Variants in STK11 observed in about 807,000 individuals in gnomAD.
STK11 encodes the protein serine/threonine kinase 11.
A neutral mutation model predicts 47.3 loss-of-function variants in STK11; 8 were observed. The observed-to-expected ratio is 0.17, with a 90% CI of 0.10 to 0.31. The LOEUF (loss-of-function observed/expected upper bound fraction) is 0.31, where lower values mean the gene tolerates loss of function less well. STK11 is among the 10% of genes least tolerant of loss of function. STK11 has a pLI of 1.00. For missense variants in STK11, 475 were observed against 605.0 expected (o/e 0.79, Z 2.25); for synonymous variants, 330 against 255.8 (o/e 1.29, Z -2.77).
intron 8 of STK11, chr19:1,226,223 T>C: frequency 4.4e-6 from 6 of 1,379,226 alleles, no homozygotes; most frequent in Non-Finnish European, 5.6e-6. Flanking sequence ...ACAGACGTGG[T>C]GGAGGGGACA....
rs587781619 is a variant in STK11 at position 1,220,370 on chromosome 19, C to T, written c.465-3C>T. 1.3e-6 allele frequency: 2 copies of T among 1,599,262 alleles called. No homozygotes were observed. The highest frequency in any genetic ancestry group is 1.7e-6 in the Non-Finnish European group (2 of 1,173,564). ...CCCCAGGACGGGTGTGTGCTGCCCG[C>T]AGGTACTTCTGTCAGCTGATTGACG... On this transcript the variant is annotated splice_polypyrimidine_tract_variant and splice_region_variant and intron_variant, in intron 3 of 9. Transcript: ENST00000326873.
chr19:1,217,598 A>G (rs553710163), intron 1 of STK11, among the ~76,000 whole-genome samples: 1 of 152,300 alleles, frequency 6.6e-6, no homozygotes, highest in South Asian at 2.1e-4. Flanking sequence ...GGGGGCAGTG[A>G]CAGGCGGGTG....
chr19:1,228,152 G>C lies in STK11; in HGVS notation c.*576G>C, dbSNP rs563703083. The C allele has an allele frequency of 8.5e-6, 9 of 1,063,894 alleles. No homozygotes were observed. The South Asian group carries it at 3.2e-4, about 38-fold the overall frequency. The allele number at this position is 1,063,894 out of a possible 1,614,324, so 65.9% of individuals were successfully genotyped here. On this transcript the variant is annotated 3_prime_UTR_variant, in exon 10 of 10. Transcript: ENST00000326873. The stretch of plus-strand genomic sequence containing the variant: ...TGGGTGGCAGGGGGGCTGTGGGGTC[G>C]GGCTCACGTCGCGGCCGCCTTTGCG...
At chr19:1,213,121 C>G (rs1032501915) in intron 1 of STK11, among the ~76,000 whole-genome samples, 1 of 150,780 alleles carries the variant, frequency 6.6e-6, no homozygotes, top group Non-Finnish European at 1.5e-5. Context: ...CTCAGCCTCC[C>G]GAATAGCTGG....
intron 5 of STK11, 141 bp downstream of exon 5, chr19:1,220,858 CT>C: frequency 7.5e-7 from 1 of 1,326,486 alleles, no homozygotes; most frequent in Admixed American, 2.6e-5. Context: ...GGGGTGCTTA[CT>C]TTATGGAAAT....
chr19:1,220,071 C>A, intron 3 of STK11: 1 of 371,816 alleles, frequency 2.7e-6, no homozygotes, highest in South Asian at 4.0e-5. Context: ...ACCACAGGGG[C>A]AGGGAGGGGC....
chr19:1,225,513 C>G (rs1386457591), intron 8 of STK11: 1 of 972,836 alleles, frequency 1.0e-6, no homozygotes, highest in East Asian at 1.1e-4. Flanking sequence ...TCATGATCTG[C>G]CCACCTCGGC....
intron 8 of STK11, chr19:1,225,547 G>A: frequency 2.0e-6 from 2 of 985,606 alleles, no homozygotes; most frequent in South Asian, 9.4e-5. Context: ...GGGATTACAA[G>A]CGTGAGCCAC....
At position 1,220,650 on chromosome 19, in the gene STK11, G is replaced by A. The variant is rs1060499964; in HGVS notation, c.667G>A (p.Glu223Lys). The A allele has an allele frequency of 6.2e-7, 1 of 1,610,188 alleles. No homozygotes were observed. The highest frequency in any genetic ancestry group is 8.5e-7 in the Non-Finnish European group (1 of 1,178,742). Residue 223 changes from glutamate to lysine, a missense_variant, in exon 5 of 10, where the codon GAG (glutamate) becomes AAG (lysine). By Grantham distance (56) the Glu-to-Lys change is moderately conservative. Around this residue, in one of 5 missense-constraint regions of STK11, gnomAD observed 130 missense variants for 239.7 expected, o/e 0.54. Coordinates refer to ENST00000326873, the MANE Select transcript of STK11 (RefSeq NM_000455.5). Reference sequence around the variant, plus strand: ...GGGCTCCCCGGCTTTCCAGCCGCCCGAGATTGCCAACGGCCTGGACACCTT... The same window carrying A: ...GGGCTCCCCGGCTTTCCAGCCGCCCAAGATTGCCAACGGCCTGGACACCTT... ...SQGSPAFQPP[E>K]IANGLDTFSG...
intron 1 of STK11, among the ~76,000 whole-genome samples, chr19:1,217,552 G>GCAGGTGGGCGTGGC (rs1407527431): frequency 2.0e-5 from 3 of 152,204 alleles, no homozygotes; most frequent in African/African-American, 7.2e-5. Context: ...CTTGTGACAG[G>GCAGGTGGGCGTGGC]CAGGTGGGCG....
intron 8 of STK11, chr19:1,223,929 C>T (rs760011188): frequency 2.7e-4 from 272 of 1,012,884 alleles, no homozygotes; most frequent in Non-Finnish European, 3.1e-4. Flanking sequence ...GGGCTTTCTG[C>T]TTTACTGTTT....
chr19:1,225,337 A>G (rs1320162818), intron 8 of STK11: 1 of 959,096 alleles, frequency 1.0e-6, no homozygotes, highest in African/African-American at 1.8e-5. Flanking sequence ...CTGTGGTGCG[A>G]TCTCGGCTCA....
intron 6 of STK11, 161 bp from the exon 7 acceptor site, chr19:1,221,788 T>C (rs1599928145): frequency 1.4e-6 from 1 of 735,454 alleles, no homozygotes; most frequent in Non-Finnish European, 2.3e-6. Flanking sequence ...GTCCCAGGAG[T>C]GGAGTGGCCT....
intron 6 of STK11, chr19:1,221,636 T>C (rs1408194364): frequency 6.8e-6 from 4 of 586,228 alleles, no homozygotes; most frequent in Non-Finnish European, 1.2e-5. Flanking sequence ...GTCAGGGTTG[T>C]CCTGCTGCAC....
At chr19:1,220,873 A>G (rs565252249) in intron 5 of STK11, among the ~76,000 whole-genome samples, 156 bp downstream of exon 5, 1 of 152,266 alleles carries the variant, frequency 6.6e-6, no homozygotes, top group African/African-American at 2.4e-5. Context: ...TGGAAATGTA[A>G]CTCATACGGC....
chr19:1,226,216 G>GAC, intron 8 of STK11: 1 of 1,371,810 alleles, frequency 7.3e-7, no homozygotes, highest in Non-Finnish European at 9.4e-7. Flanking sequence ...AGGTGCAACA[G>GAC]ACGTGGTGGA....
At chr19:1,217,659 C>T (rs545863068) in intron 1 of STK11, among the ~76,000 whole-genome samples, 7 of 152,306 alleles carry the variant, frequency 4.6e-5, no homozygotes, top group African/African-American at 1.7e-4. Flanking sequence ...CCTTCTTCGC[C>T]TGCCCCTTCC....
chr19:1,222,120 G>T, intron 7 of STK11, 114 bp downstream of exon 7: 1 of 1,274,886 alleles, frequency 7.8e-7, no homozygotes, highest in Non-Finnish European at 1.1e-6. Flanking sequence ...CTGGGCTGGG[G>T]CCAGACCCCG....
At chr19:1,219,707 G>A (rs1334389549) in intron 3 of STK11, among the ~76,000 whole-genome samples, 9 of 152,026 alleles carry the variant, frequency 5.9e-5, no homozygotes, top group Non-Finnish European at 1.0e-4. Context: ...CACCACGCCC[G>A]GCTAATTTTT....
Sources: allele counts gnomAD v4.1 joint callset (sites outside exome capture counted in the v4.1 genomes callset), GRCh38; gene constraint gnomAD v4.1.1; regional missense constraint gnomAD v4.1.1; transcripts MANE v1.5; gene names NCBI Gene and HGNC (gene_info 2026-07-23, HGNC 2026-07-21).